The following TTLL11 variants were observed in gnomAD, a reference collection of about 807,000 sequenced individuals.
The protein encoded by TTLL11 is tubulin polyglutamylase TTLL11.
In TTLL11, 42 loss-of-function variants were observed where a neutral mutation model predicts 51.7. That is an observed-to-expected ratio of 0.81 (90% CI 0.64 to 1.05). The LOEUF (loss-of-function observed/expected upper bound fraction) is 1.05, where lower values mean the gene tolerates loss of function less well. Among genes scored for constraint, TTLL11 ranks in the 50% least tolerant of loss-of-function variants. The pLI, the probability that TTLL11 is intolerant of heterozygous loss-of-function variation, is 0.00. For missense variants in TTLL11, 799 were observed against 940.4 expected, an observed-to-expected ratio of 0.85 and a Z score of 1.97; for synonymous variants, 381 against 383.5, an observed-to-expected ratio of 0.99 and a Z score of 0.08.
chr9:121,953,035 T>A (rs13296465), intron 6 of TTLL11, among the ~76,000 whole-genome samples: 35,390 of 152,152 alleles, frequency 0.23, 4,537 homozygotes, highest in Non-Finnish European at 0.3. Context: ...CAGATAAAGC[T>A]CTTTCCTAAG....
chr9:122,092,447 A>T (rs1172990746), intron 1 of TTLL11, among the ~76,000 whole-genome samples: 1 of 152,110 alleles, frequency 6.6e-6, no homozygotes, highest in Non-Finnish European at 1.5e-5. Flanking sequence ...AGCTGCAGGG[A>T]GGCAGAGGAG....
At chr9:122,077,806 T>C (rs902218573) in intron 1 of TTLL11, among the ~76,000 whole-genome samples, 1 of 142,886 alleles carries the variant, frequency 7.0e-6, no homozygotes, top group Non-Finnish European at 1.5e-5. Flanking sequence ...AAACTGACCA[T>C]GTATTAGACC....
chr9:121,822,810 A>C lies in TTLL11; in HGVS notation c.1910T>G (p.Leu637Arg). 1 of 1,551,702 alleles carries C rather than the reference A, an allele frequency of 6.4e-7. No homozygotes were observed. Among genetic ancestry groups the C allele is most frequent in the South Asian group, 1.2e-5 (1 of 84,060 alleles). The change falls in exon 9 of 9, where the codon CTT (leucine) becomes CGT (arginine). Residue 637 changes from leucine to arginine, a missense_variant. This residue lies in a region of TTLL11 where 165 missense variants were observed against 166.1 expected (regional missense o/e 0.99). Coordinates refer to ENST00000321582, the MANE Select transcript of TTLL11 (RefSeq NM_001139442.2). This position sits in a 1 kb window ranked among gnomAD's most constrained non-coding sequence, Gnocchi z 5.8. The stretch of plus-strand genomic sequence containing the variant: ...AATCAGTGAGGCCACCTGCTCATGA[A>C]GTGGCAGCATCTTGAACTTCCTCTG... ...LAQRKFKMLP[L>R]HEQVASLIDL...
intron 3 of TTLL11, among the ~76,000 whole-genome samples, chr9:122,029,246 G>A (rs1844450147): frequency 6.6e-6 from 1 of 151,932 alleles, no homozygotes; most frequent in Non-Finnish European, 1.5e-5. Context: ...ACTTTTTATT[G>A]TTATTTTAGA....
intron 1 of TTLL11, among the ~76,000 whole-genome samples, chr9:122,077,866 A>T (rs1158038842): frequency 2.0e-5 from 3 of 151,610 alleles, no homozygotes; most frequent in African/African-American, 7.2e-5. Flanking sequence ...AGGAAGGAGG[A>T]AGGAAAGAAA....
At chr9:122,084,504 G>A (rs973041299) in intron 1 of TTLL11, among the ~76,000 whole-genome samples, 2 of 152,158 alleles carry the variant, frequency 1.3e-5, no homozygotes, top group African/African-American at 4.8e-5. Flanking sequence ...AATAACCTCT[G>A]TGGAGGAATC....
At chr9:121,860,223 C>A (rs4381015) in intron 8 of TTLL11, 114 bp downstream of exon 8, 498,757 of 757,174 alleles carry the variant, frequency 0.66, 165,299 homozygotes, top group East Asian at 0.81. Flanking sequence ...ATGTCTAGAT[C>A]TGATGGCATC....
At chr9:121,899,145 A>T (rs1461835611) in intron 6 of TTLL11, among the ~76,000 whole-genome samples, 4 of 151,974 alleles carry the variant, frequency 2.6e-5, no homozygotes, top group African/African-American at 4.8e-5. Context: ...TGAACTTGCC[A>T]GGCACAACTC....
chr9:122,022,995 TAAAAACA>T (rs1268458062), intron 3 of TTLL11, among the ~76,000 whole-genome samples: 2 of 151,678 alleles, frequency 1.3e-5, no homozygotes, highest in Non-Finnish European at 3.0e-5. Context: ...AAGGAACCAC[TAAAAACA>T]AAACAACTAT....
intron 1 of TTLL11, among the ~76,000 whole-genome samples, chr9:122,050,316 G>A (rs1019513583): frequency 3.9e-5 from 6 of 152,168 alleles, no homozygotes; most frequent in African/African-American, 1.2e-4. Context: ...CAAATATCGC[G>A]TGTCATTAGG....
intron 8 of TTLL11, among the ~76,000 whole-genome samples, chr9:121,839,074 C>T (rs75964004): frequency 0.016 from 2,423 of 152,370 alleles, 51 homozygotes; most frequent in African/African-American, 0.055. Flanking sequence ...GCGAAGCTTC[C>T]ATCTCAGCAT....
intron 6 of TTLL11, among the ~76,000 whole-genome samples, chr9:121,872,265 G>A (rs1838384870): frequency 1.3e-5 from 2 of 152,174 alleles, no homozygotes. Flanking sequence ...CAGCTGAGAT[G>A]GCTTCTTGAC....
intron 8 of TTLL11, among the ~76,000 whole-genome samples, chr9:121,826,557 G>GCATATATATATATATATA (rs1836805986): frequency 3.9e-5 from 2 of 51,346 alleles, no homozygotes; most frequent in African/African-American, 1.4e-4. Flanking sequence ...ATATGTGTGT[G>GCATATATATATATATATA]TATATATATA....
rs535085112 is a variant in TTLL11 at position 121,912,223 on chromosome 9, C to T, written c.1482-41475G>A. On this transcript the variant is annotated intron_variant, in intron 6 of 8. Coordinates refer to ENST00000321582, the MANE Select transcript of TTLL11 (RefSeq NM_001139442.2). ...AAATCTGCAGCTCTGTTAAGGGTAA[C>T]GGTGGAATTTCCTTTTGGAAGAGAC... Among the ~76,000 whole-genome samples, 4 of 152,290 alleles carry T rather than the reference C, an allele frequency of 2.6e-5. No individual in the cohort carries two copies. The South Asian group carries it at 6.2e-4, about 24-fold the overall frequency.
At chr9:121,941,894 T>A (rs1243062105) in intron 6 of TTLL11, among the ~76,000 whole-genome samples, 1 of 152,128 alleles carries the variant, frequency 6.6e-6, no homozygotes, top group Admixed American at 6.5e-5. Context: ...CCAGCAGGAA[T>A]CCTGCCACCC....
At chr9:121,869,731 A>T (rs1230153593) in intron 7 of TTLL11, among the ~76,000 whole-genome samples, 1 of 152,142 alleles carries the variant, frequency 6.6e-6, no homozygotes, top group East Asian at 1.9e-4. Context: ...TATTACACAC[A>T]CTATTGTAGG....
At chr9:122,032,346 G>A (rs887626934) in intron 2 of TTLL11, among the ~76,000 whole-genome samples, 3 of 152,102 alleles carry the variant, frequency 2.0e-5, no homozygotes, top group African/African-American at 4.8e-5. Context: ...TAAAGGCATG[G>A]AATAGGAAAA....
chr9:122,017,407 T>C (rs897777242), intron 3 of TTLL11, among the ~76,000 whole-genome samples: 2 of 151,794 alleles, frequency 1.3e-5, no homozygotes, highest in African/African-American at 4.8e-5. Flanking sequence ...GATATTCCCT[T>C]CAGCATCATT....
At chr9:122,005,230 G>C (rs922251472) in intron 3 of TTLL11, among the ~76,000 whole-genome samples, 2 of 152,152 alleles carry the variant, frequency 1.3e-5, no homozygotes, top group East Asian at 1.9e-4. Flanking sequence ...TTCACTCGGC[G>C]GGGGAGTGGC....
Sources: allele counts gnomAD v4.1 joint callset (sites outside exome capture counted in the v4.1 genomes callset), GRCh38; gene constraint gnomAD v4.1.1; regional missense constraint gnomAD v4.1.1; non-coding constraint Gnocchi (gnomAD v3.1); transcripts MANE v1.5; gene names NCBI Gene and HGNC (gene_info 2026-07-23, HGNC 2026-07-21).